The following RFC1 variants were observed in gnomAD, a reference collection of about 807,000 sequenced individuals.
RFC1 encodes A1 140 kDa subunit.
RFC1 carries 37 observed loss-of-function variants against 137.4 expected under a neutral mutation model. The observed-to-expected ratio is 0.27, with a 90% CI of 0.21 to 0.35. RFC1 has a LOEUF of 0.35. RFC1 is among the 10% of genes least tolerant of loss of function. RFC1 has a pLI of 1.00. For missense variants in RFC1, 1,205 were observed against 1,358.5 expected (o/e 0.89, Z 1.78); for synonymous variants, 429 against 455.7 (o/e 0.94, Z 0.75).
rs779858013 is a variant in RFC1, at chr4:39,317,003, G to A, written c.1115C>T (p.Ser372Phe). The A allele has an allele frequency of 1.9e-6, 3 of 1,613,324 alleles. No homozygotes were observed. In the South Asian group the frequency reaches 3.3e-5, roughly 18 times the overall value. The change falls in exon 10 of 25, where the codon TCT (serine) becomes TTT (phenylalanine). Residue 372 changes from serine to phenylalanine, a missense_variant. Around this residue, in one of 3 missense-constraint regions of RFC1, gnomAD observed 962 missense variants for 1,035.3 expected, o/e 0.93. Coordinates refer to ENST00000349703, the MANE Select transcript of RFC1 (RefSeq NM_002913.5). ...AKKESVSPED[S>F]EKKRTNYQAY... ...TTGATAATTAGTGCGTTTCTTTTCAGAATCTTCAGGACTTACAGACTTTGG... is the reference window on the plus strand; with the variant it reads ...TTGATAATTAGTGCGTTTCTTTTCAAAATCTTCAGGACTTACAGACTTTGG...
intron 21 of RFC1, among the ~76,000 whole-genome samples, chr4:39,299,468 C>T (rs1738221999): frequency 6.6e-6 from 1 of 151,908 alleles, no homozygotes; most frequent in Non-Finnish European, 1.5e-5. Context: ...AAAAAATTAG[C>T]TGGGCGTGGT....
At chr4:39,300,606 G>T (rs1348806710) in intron 19 of RFC1, among the ~76,000 whole-genome samples, 192 bp from the exon 20 acceptor site, 2 of 152,120 alleles carry the variant, frequency 1.3e-5, no homozygotes, top group Admixed American at 6.6e-5. Context: ...ACGCTTCTTG[G>T]TATTCACCCA....
intron 1 of RFC1, among the ~76,000 whole-genome samples, chr4:39,360,518 T>TTAAAATAAAATAAAATAAAA (rs59665003): frequency 1.4e-5 from 2 of 146,270 alleles, no homozygotes; most frequent in Admixed American, 6.8e-5. Context: ...CAAAATAAAA[T>TTAAAATAAAATAAAATAAAA]TAAAATAAAA....
At chr4:39,295,573 C>T (rs774052986) in intron 22 of RFC1, 41 bp downstream of exon 22, 2 of 1,548,094 alleles carry the variant, frequency 1.3e-6, no homozygotes, top group East Asian at 2.3e-5. Flanking sequence ...GCCAAATACA[C>T]CAAATCGATA....
chr4:39,361,773 G>C (rs961533359), intron 1 of RFC1, among the ~76,000 whole-genome samples: 2 of 152,200 alleles, frequency 1.3e-5, no homozygotes, highest in Non-Finnish European at 2.9e-5. Context: ...TTCCAGCTGG[G>C]CGCGGTGGCT....
intron 6 of RFC1, among the ~76,000 whole-genome samples, chr4:39,323,755 A>C (rs1236684177): frequency 6.6e-6 from 1 of 152,198 alleles, no homozygotes; most frequent in Non-Finnish European, 1.5e-5. Context: ...TATTATCTAA[A>C]AAGACCTCTG....
At chr4:39,307,762 C>T (rs1349527385) in intron 13 of RFC1, among the ~76,000 whole-genome samples, 1 of 151,802 alleles carries the variant, frequency 6.6e-6, no homozygotes, top group African/African-American at 2.4e-5. Flanking sequence ...TCTCCAGGCA[C>T]ATGAAATGCC....
At chr4:39,365,783 AG>A (rs1741991766) in intron 1 of RFC1, among the ~76,000 whole-genome samples, 1 of 152,226 alleles carries the variant, frequency 6.6e-6, no homozygotes, top group Non-Finnish European at 1.5e-5. Flanking sequence ...TAATGATAAA[AG>A]TTTAAGGCCC....
chr4:39,339,516 T>A (rs1740513425), intron 4 of RFC1, among the ~76,000 whole-genome samples: 1 of 152,214 alleles, frequency 6.6e-6, no homozygotes, highest in African/African-American at 2.4e-5. Context: ...CTTTTTCATA[T>A]ACCTGTTGGC....
At chr4:39,365,435 A>T (rs553918763) in intron 1 of RFC1, 1 of 981,658 alleles carries the variant, frequency 1.0e-6, no homozygotes, top group South Asian at 4.7e-5. Flanking sequence ...AAATATTTCA[A>T]ACACAGAGCC....
intron 1 of RFC1, among the ~76,000 whole-genome samples, chr4:39,357,677 G>A (rs1560625937): frequency 2.0e-5 from 3 of 151,568 alleles, no homozygotes; most frequent in Admixed American, 1.3e-4. Flanking sequence ...AGTGCAGTGG[G>A]GCGATTTCAG....
At chr4:39,303,839 C>T (rs946186293) in intron 15 of RFC1, among the ~76,000 whole-genome samples, 3 of 152,144 alleles carry the variant, frequency 2.0e-5, no homozygotes, top group Non-Finnish European at 2.9e-5. Flanking sequence ...TTTAATACTC[C>T]ATTCTACACT....
chr4:39,331,859 T>C (rs1430795645), intron 4 of RFC1, among the ~76,000 whole-genome samples: 2 of 152,210 alleles, frequency 1.3e-5, no homozygotes, highest in Admixed American at 6.5e-5. Context: ...TATGTTTTTT[T>C]CACACCTTTT....
At chr4:39,306,492 ACACACACATG>A (rs1738665238) in intron 14 of RFC1, 90 bp downstream of exon 14, 1 of 661,686 alleles carries the variant, frequency 1.5e-6, no homozygotes. Context: ...TAGACACCAC[ACACACACATG>A]CACACGCACA....
chr4:39,353,787 T>C (rs954128226), intron 1 of RFC1, among the ~76,000 whole-genome samples: 2 of 152,216 alleles, frequency 1.3e-5, no homozygotes, highest in African/African-American at 4.8e-5. Flanking sequence ...GTAGTGATTG[T>C]TTAAACACAT....
intron 19 of RFC1, 124 bp from the exon 20 acceptor site, chr4:39,300,538 T>A: frequency 1.4e-6 from 1 of 710,260 alleles, no homozygotes; most frequent in East Asian, 2.7e-5. Context: ...TGCAAAACTG[T>A]ACCGTTTGGT....
chr4:39,287,853 A>G lies in RFC1; in HGVS notation c.*908T>C, dbSNP rs1057807. On this transcript the variant is annotated 3_prime_UTR_variant, in exon 25 of 25. Transcript: ENST00000349703. ...GCCAGTGTTCATTTTGTCCCCCACC[A>G]TAGTGAAATTAAGAGCCTGACCCAG... is the stretch of plus-strand genomic sequence containing the variant. 0.53 allele frequency: 80,037 copies of G among 151,980 alleles called. 23,247 individuals carry two copies. The highest frequency in any genetic ancestry group is 0.79 in the African/African-American group (32,677 of 41,444). The allele number at this position is 151,980 out of a possible 1,614,324, so 9.4% of individuals were successfully genotyped here. A position where few individuals can be genotyped will look rare whatever the true frequency, so the allele number is the denominator to read the frequency against.
intron 1 of RFC1, among the ~76,000 whole-genome samples, chr4:39,363,188 G>A (rs1042207757): frequency 2.0e-5 from 3 of 152,154 alleles, no homozygotes; most frequent in African/African-American, 7.2e-5. Flanking sequence ...CATCTCTCAG[G>A]TTTTATTCAC....
At chr4:39,337,109 T>C (rs2109716053) in intron 4 of RFC1, among the ~76,000 whole-genome samples, 1 of 152,234 alleles carries the variant, frequency 6.6e-6, no homozygotes, top group Non-Finnish European at 1.5e-5. Flanking sequence ...GTGCAGTGGC[T>C]CACGCCTATA....
Sources: allele counts gnomAD v4.1 joint callset (sites outside exome capture counted in the v4.1 genomes callset), GRCh38; gene constraint gnomAD v4.1.1; regional missense constraint gnomAD v4.1.1; transcripts MANE v1.5; gene names NCBI Gene and HGNC (gene_info 2026-07-23, HGNC 2026-07-21).